SCFD2: variants seen among roughly 807,000 people sequenced by gnomAD.
SCFD2 encodes the protein sec1 family domain containing 2, also known as sec1 family domain-containing protein 2.
SCFD2 carries 54 observed loss-of-function variants against 58.9 expected under a neutral mutation model. The ratio of observed to expected loss-of-function variants is 0.92; its 90% CI spans 0.74 to 1.15. SCFD2 has a LOEUF of 1.15. Ranked by LOEUF, SCFD2 falls within the 50% of genes most tolerant of loss-of-function variation. The pLI is 0.00. For synonymous variants in SCFD2, 321 were observed against 335.9 expected (o/e 0.96, Z 0.49); for missense variants, 805 against 836.6 (o/e 0.96, Z 0.47).
At chr4:53,055,896 C>A (rs1723324170) in intron 5 of SCFD2, among the ~76,000 whole-genome samples, 1 of 152,104 alleles carries the variant, frequency 6.6e-6, no homozygotes, top group Admixed American at 6.5e-5. Context: ...AGCTCGCTGG[C>A]CAGAGCAGAC....
chr4:53,302,546 A>G (rs1180096550), intron 3 of SCFD2, among the ~76,000 whole-genome samples: 2 of 152,296 alleles, frequency 1.3e-5, no homozygotes, highest in South Asian at 2.1e-4. Flanking sequence ...TATAGATTCA[A>G]TGCCATCCCC....
chr4:53,335,536 A>T (rs183373342), intron 2 of SCFD2, among the ~76,000 whole-genome samples: 1 of 152,290 alleles, frequency 6.6e-6, no homozygotes, highest in Non-Finnish European at 1.5e-5. Flanking sequence ...GAGGGTAGTA[A>T]TGTATCTGTT....
chr4:53,083,869 C>T (rs1235101651), intron 5 of SCFD2, among the ~76,000 whole-genome samples: 1 of 152,020 alleles, frequency 6.6e-6, no homozygotes, highest in Non-Finnish European at 1.5e-5. Flanking sequence ...AAAAGCAGAA[C>T]CACTAATAAG....
chr4:53,331,759 A>C (rs561787912), intron 2 of SCFD2, among the ~76,000 whole-genome samples: 9 of 152,358 alleles, frequency 5.9e-5, no homozygotes, highest in Admixed American at 4.6e-4. Flanking sequence ...AGCAGAACTG[A>C]AGGAAATAGA....
At chr4:53,034,362 A>G (rs1056541193) in intron 5 of SCFD2, among the ~76,000 whole-genome samples, 12 of 152,220 alleles carry the variant, frequency 7.9e-5, no homozygotes, top group Non-Finnish European at 1.5e-4. Context: ...CCCACAACCA[A>G]TATCATACTG....
intron 5 of SCFD2, among the ~76,000 whole-genome samples, chr4:52,969,729 T>C (rs927328896): frequency 2.0e-5 from 3 of 152,230 alleles, no homozygotes; most frequent in Admixed American, 1.3e-4. Context: ...CAGAGCCTTC[T>C]GCAAACCTGA....
chr4:53,109,444 A>G (rs1725103033), intron 5 of SCFD2, among the ~76,000 whole-genome samples: 1 of 152,236 alleles, frequency 6.6e-6, no homozygotes, highest in African/African-American at 2.4e-5. Flanking sequence ...CTTGCAGATG[A>G]CATGATTGTA....
At chr4:53,150,920 T>A (rs1262941881) in intron 4 of SCFD2, among the ~76,000 whole-genome samples, 2 of 152,194 alleles carry the variant, frequency 1.3e-5, no homozygotes, top group East Asian at 3.8e-4. Context: ...CTTTACCTGA[T>A]TTAGGAATAT....
rs186013984 is a variant in SCFD2 at position 53,253,948 on chromosome 4, T to C, written c.1311+19878A>G. Among the ~76,000 whole-genome samples the C allele has an allele frequency of 8.0e-5, 12 of 149,692 alleles. No individual in the cohort carries two copies. In the East Asian group the frequency reaches 2.4e-3, roughly 29 times the overall value. On this transcript the variant is annotated intron_variant, in intron 4 of 8. Transcript: ENST00000401642. Reference sequence around the variant, plus strand: ...AAAAATCATGTCCTTTGCAGGAACATGGATGGAGCTGGAGGTCATTATCCT... The same window carrying C: ...AAAAATCATGTCCTTTGCAGGAACACGGATGGAGCTGGAGGTCATTATCCT...
intron 3 of SCFD2, among the ~76,000 whole-genome samples, chr4:53,286,954 T>C (rs79501209): frequency 0.011 from 1,697 of 152,220 alleles, 31 homozygotes; most frequent in African/African-American, 0.039. Context: ...GCCTGGGAAG[T>C]TACTGTGCCC....
intron 5 of SCFD2, among the ~76,000 whole-genome samples, chr4:53,047,303 G>C (rs1056803567): frequency 3.9e-5 from 6 of 151,946 alleles, no homozygotes. Context: ...AAAAAATTAG[G>C]CAGGCTTAGT....
intron 5 of SCFD2, among the ~76,000 whole-genome samples, chr4:53,036,773 C>T (rs994518201): frequency 1.3e-5 from 2 of 152,076 alleles, no homozygotes; most frequent in Admixed American, 6.6e-5. Context: ...AGCAAACCAC[C>T]ATGGCACATG....
intron 4 of SCFD2, among the ~76,000 whole-genome samples, chr4:53,207,312 A>T (rs1376464324): frequency 7.7e-6 from 1 of 130,518 alleles, no homozygotes; most frequent in African/African-American, 2.8e-5. Flanking sequence ...CATTTTTGCT[A>T]AAAAAAAAAA....
chr4:52,943,221 TAAACAAA>T (rs1720337031), intron 5 of SCFD2, among the ~76,000 whole-genome samples: 1 of 150,684 alleles, frequency 6.6e-6, no homozygotes, highest in African/African-American at 2.5e-5. Flanking sequence ...ACTCATGCCT[TAAACAAA>T]ACAAAACAAA....
chr4:53,100,041 T>G (rs1413869218), intron 5 of SCFD2, among the ~76,000 whole-genome samples: 1 of 152,106 alleles, frequency 6.6e-6, no homozygotes, highest in Non-Finnish European at 1.5e-5. Flanking sequence ...ATAAGCAAAC[T>G]AAAAGGAAAT....
chr4:53,077,975 T>C (rs1724031427), intron 5 of SCFD2, among the ~76,000 whole-genome samples: 1 of 152,156 alleles, frequency 6.6e-6, no homozygotes, highest in Non-Finnish European at 1.5e-5. Flanking sequence ...GTAGTATGAT[T>C]AATGTTAAGC....
rs187000737 is a variant in SCFD2 at position 53,231,821 on chromosome 4, T to C, written c.1311+42005A>G. On this transcript the variant is annotated intron_variant, in intron 4 of 8. Coordinates refer to ENST00000401642, the MANE Select transcript of SCFD2 (RefSeq NM_152540.4). ...AATGTAGTACCAAGAAGAAAACAAA[T>C]CCATCAAATAAAACTTACCTAAAAA... is the stretch of plus-strand genomic sequence containing the variant. Among the ~76,000 whole-genome samples, 1,261 of 152,144 alleles carry C rather than the reference T, an allele frequency of 8.3e-3. 12 individuals are homozygous for C. Among genetic ancestry groups the C allele is most frequent in the Middle Eastern group, 0.041 (12 of 292 alleles).
chr4:52,916,530 C>T (rs1577824927), intron 6 of SCFD2, among the ~76,000 whole-genome samples: 1 of 152,170 alleles, frequency 6.6e-6, no homozygotes, highest in Non-Finnish European at 1.5e-5. Context: ...GCCGAGATTG[C>T]GCCACTGCAC....
At chr4:52,944,858 T>C (rs939133342) in intron 5 of SCFD2, among the ~76,000 whole-genome samples, 2 of 152,196 alleles carry the variant, frequency 1.3e-5, no homozygotes, top group African/African-American at 4.8e-5. Context: ...CCTGGAGTCA[T>C]TAAATGTCTT....
Sources: gnomAD v4.1 joint callset for allele counts (sites outside exome capture counted in the v4.1 genomes callset) on GRCh38, gnomAD v4.1.1 for gene constraint, MANE v1.5 for transcripts, NCBI Gene and HGNC (gene_info 2026-07-23, HGNC 2026-07-21) for gene names.